CTNNA3: variants seen among roughly 807,000 people sequenced by gnomAD.
The protein encoded by CTNNA3 is catenin alpha-3.
In CTNNA3, 76 loss-of-function variants were observed where a neutral mutation model predicts 95.7. The observed-to-expected ratio is 0.79, with a 90% CI of 0.66 to 0.96. The LOEUF (loss-of-function observed/expected upper bound fraction) is 0.96. CTNNA3 is among the 40% of genes least tolerant of loss of function. The pLI is 0.00. For missense variants in CTNNA3, 1,191 were observed against 1,089.8 expected (o/e 1.09, Z -1.31); for synonymous variants, 431 against 374.4 (o/e 1.15, Z -1.74).
At chr10:67,573,601 G>A (rs1842045670) in intron 3 of CTNNA3, among the ~76,000 whole-genome samples, 1 of 151,752 alleles carries the variant, frequency 6.6e-6, no homozygotes, top group Admixed American at 6.6e-5. Context: ...TAAAACACTG[G>A]CATATGAGAT....
At chr10:66,667,666 G>A (rs1029870630) in intron 9 of CTNNA3, among the ~76,000 whole-genome samples, 3 of 152,200 alleles carry the variant, frequency 2.0e-5, no homozygotes, top group East Asian at 1.9e-4. Context: ...GCAAGATTTA[G>A]TCTTTTGTTT....
rs138734509 is a variant in CTNNA3, at chr10:66,318,276, A to ATGTGTGTGTGTG, written c.1733-37667_1733-37656dup. Among the ~76,000 whole-genome samples, 164 of 136,652 alleles carry ATGTGTGTGTGTG rather than the reference A, an allele frequency of 1.2e-3. 1 individual carries two copies. Among genetic ancestry groups the ATGTGTGTGTGTG allele is most frequent in the Non-Finnish European group, 2.1e-3 (131 of 63,366 alleles). The allele number at this position is 136,652 out of a possible 152,430, so 89.6% of individuals were successfully genotyped here. A position where few individuals can be genotyped will look rare whatever the true frequency, so the allele number is the denominator to read the frequency against. On this transcript the variant is annotated intron_variant, in intron 12 of 17. Coordinates refer to ENST00000433211, the MANE Select transcript of CTNNA3 (RefSeq NM_013266.4). ...GTTGCTGGGAGATATATATATATATATGTGTGTGTGTGTGTGTGTGTGTGT... is the reference window on the plus strand; with the variant it reads ...GTTGCTGGGAGATATATATATATATATGTGTGTGTGTGTGTGTGTGTGTGTGTGTGTGTGTGT...
intron 15 of CTNNA3, among the ~76,000 whole-genome samples, chr10:66,010,835 T>A (rs1283194843): frequency 6.6e-6 from 1 of 152,236 alleles, no homozygotes; most frequent in African/African-American, 2.4e-5. Flanking sequence ...AGTCAAGTCA[T>A]ATGCATTGCA....
At chr10:67,627,918 T>C (rs139832818) in intron 2 of CTNNA3, among the ~76,000 whole-genome samples, 2 of 151,938 alleles carry the variant, frequency 1.3e-5, no homozygotes, top group Admixed American at 6.6e-5. Flanking sequence ...TAAAATGTTA[T>C]AAGGTATGAG....
At chr10:66,565,822 G>A (rs1419360565) in intron 10 of CTNNA3, among the ~76,000 whole-genome samples, 2 of 152,074 alleles carry the variant, frequency 1.3e-5, no homozygotes, top group South Asian at 2.1e-4. Context: ...TTATTTGATT[G>A]TTTGCTCCCT....
chr10:66,068,954 A>G lies in CTNNA3; in HGVS notation c.2159+354T>C, dbSNP rs1333703893. On this transcript the variant is annotated intron_variant, in intron 15 of 17. Transcript: ENST00000433211. ...TCACTATAACTAAAATTACACAGCT[A>G]TGAAACTCAACCATTCAGATAGCTC... 2.0e-5 allele frequency among the ~76,000 whole-genome samples: 3 copies of G among 152,292 alleles called. No individual in the cohort carries two copies. In the East Asian group the frequency reaches 5.8e-4, roughly 29 times the overall value.
chr10:66,936,467 TG>T (rs1847700200), intron 7 of CTNNA3, among the ~76,000 whole-genome samples: 1 of 152,116 alleles, frequency 6.6e-6, no homozygotes, highest in Admixed American at 6.6e-5. Flanking sequence ...GGTGTTTTTT[TG>T]TTTGTTTGTT....
chr10:67,430,103 A>C (rs1331149319), intron 5 of CTNNA3, among the ~76,000 whole-genome samples: 1 of 151,842 alleles, frequency 6.6e-6, no homozygotes, highest in Non-Finnish European at 1.5e-5. Context: ...TTTATATTTC[A>C]TTTTCAAGCA....
rs142185089 is a variant in CTNNA3 at position 66,310,405 on chromosome 10, C to T, written c.1733-29784G>A. Among the ~76,000 whole-genome samples, 4 of 152,190 alleles carry T rather than the reference C, an allele frequency of 2.6e-5. No homozygotes were observed. In the East Asian group the frequency reaches 7.7e-4, roughly 29 times the overall value. Reference sequence around the variant, plus strand: ...CCTAATTCTAAATTTAGTTCAGTACCCCACGATCCATTTCTGTACCCTAAA... The same window carrying T: ...CCTAATTCTAAATTTAGTTCAGTACTCCACGATCCATTTCTGTACCCTAAA... On this transcript the variant is annotated intron_variant, in intron 12 of 17. Transcript: ENST00000433211.
At chr10:66,636,323 C>T (rs983978757) in intron 9 of CTNNA3, among the ~76,000 whole-genome samples, 1 of 152,030 alleles carries the variant, frequency 6.6e-6, no homozygotes. Flanking sequence ...ACCCCTGTAC[C>T]TCTACAGCAC....
chr10:67,409,333 C>A (rs1845277360), intron 5 of CTNNA3, among the ~76,000 whole-genome samples: 1 of 152,114 alleles, frequency 6.6e-6, no homozygotes. Context: ...ATGGAATTAA[C>A]CCAAATGCCC....
In CTNNA3 at chr10:66,902,015, G is replaced by T. The variant is rs1845768328; in HGVS notation, c.1048-126491C>A. On this transcript the variant is annotated intron_variant, in intron 7 of 17. Coordinates refer to ENST00000433211, the MANE Select transcript of CTNNA3 (RefSeq NM_013266.4). ...ATATTCATGGTTTGAACTCAGCTCTGTACCCCCAAGCGGACCTATTAGACA... is the reference window on the plus strand; with the variant it reads ...ATATTCATGGTTTGAACTCAGCTCTTTACCCCCAAGCGGACCTATTAGACA... Among the ~76,000 whole-genome samples the T allele has an allele frequency of 2.0e-5, 3 of 152,108 alleles. No homozygotes were observed. The South Asian group carries it at 6.2e-4, about 32-fold the overall frequency.
chr10:67,582,207 ATT>A (rs1187953715), intron 3 of CTNNA3, among the ~76,000 whole-genome samples: 1 of 136,472 alleles, frequency 7.3e-6, no homozygotes. Context: ...ATTGCTGTAA[ATT>A]TCCCTTACAC....
intron 7 of CTNNA3, among the ~76,000 whole-genome samples, chr10:67,107,222 T>C (rs1247237599): frequency 6.6e-6 from 1 of 152,238 alleles, no homozygotes; most frequent in African/African-American, 2.4e-5. Context: ...GGCTCAATTT[T>C]TGTCCTGATT....
At chr10:66,175,632 A>G (rs1302041603) in intron 13 of CTNNA3, among the ~76,000 whole-genome samples, 1 of 152,154 alleles carries the variant, frequency 6.6e-6, no homozygotes, top group African/African-American at 2.4e-5. Flanking sequence ...GGGTATTGTC[A>G]ATGGACAAGA....
chr10:67,691,749 C>T (rs1166633434), intron 1 of CTNNA3, among the ~76,000 whole-genome samples: 16 of 150,882 alleles, frequency 1.1e-4, no homozygotes, highest in South Asian at 6.3e-4. Context: ...CCACCTCGTC[C>T]GGGAGGGAGG....
At chr10:66,587,364 G>A (rs754407789) in intron 10 of CTNNA3, among the ~76,000 whole-genome samples, 34 of 152,142 alleles carry the variant, frequency 2.2e-4, no homozygotes, top group South Asian at 2.1e-4. Context: ...AGCTGTGGAG[G>A]TAGTGGTAGA....
intron 7 of CTNNA3, among the ~76,000 whole-genome samples, chr10:67,039,421 T>C (rs1564848088): frequency 6.6e-6 from 1 of 152,176 alleles, no homozygotes; most frequent in African/African-American, 2.4e-5. Flanking sequence ...CTCTTACAAG[T>C]ACATTCGAAT....
In CTNNA3 at chr10:66,927,934, T is replaced by C; in HGVS notation, c.1048-152410A>G. 6.2e-7 allele frequency: 1 copy of C among 1,614,258 alleles called. No individual in the cohort carries two copies. Among genetic ancestry groups the C allele is most frequent in the South Asian group, 1.1e-5 (1 of 91,088 alleles). On this transcript the variant is annotated intron_variant, in intron 7 of 17. Coordinates refer to ENST00000433211, the MANE Select transcript of CTNNA3 (RefSeq NM_013266.4). This position sits in a 1 kb window ranked among gnomAD's most constrained non-coding sequence, Gnocchi z 4.7. The stretch of plus-strand genomic sequence containing the variant: ...AGGTCTAAGGGAGAATACAATTATC[T>C]GTGCCAGTCCCAAAGAGCTGCAAGG...
Sources: gnomAD v4.1 joint callset for allele counts (sites outside exome capture counted in the v4.1 genomes callset) on GRCh38, gnomAD v4.1.1 for gene constraint, Gnocchi (gnomAD v3.1) non-coding constraint, MANE v1.5 for transcripts, NCBI Gene and HGNC (gene_info 2026-07-23, HGNC 2026-07-21) for gene names.